LILRA6: variants seen among roughly 807,000 people sequenced by gnomAD.
LILRA6 encodes leukocyte immunoglobulin like receptor A6, also known as leukocyte immunoglobulin-like receptor subfamily A member 6.
LILRA6 carries 16 observed loss-of-function variants against 53.9 expected under a neutral mutation model. That is an observed-to-expected ratio of 0.30 (90% CI 0.20 to 0.45). The LOEUF is 0.45. LILRA6 is among the 20% of genes least tolerant of loss of function. The pLI, the probability that LILRA6 is intolerant of heterozygous loss-of-function variation, is 1.00. For missense variants in LILRA6, 306 were observed against 618.6 expected, an observed-to-expected ratio of 0.49 and a Z score of 5.36; for synonymous variants, 135 against 256.4, an observed-to-expected ratio of 0.53 and a Z score of 4.52.
chr19:54,239,829 G>A (rs1600980756), intron 7 of LILRA6, 72 bp downstream of exon 7: 18 of 1,550,730 alleles, frequency 1.2e-5, no homozygotes, highest in African/African-American at 1.1e-4. Flanking sequence ...GAGGGGAGGG[G>A]AGTGGGATCC....
chr19:54,240,190 G>A, intron 6 of LILRA6, 84 bp downstream of exon 6: 1 of 1,562,890 alleles, frequency 6.4e-7, no homozygotes, highest in Non-Finnish European at 8.6e-7. Context: ...GCCTCCCTCG[G>A]TCCATCCCAG....
chr19:54,239,604 G>T, intron 7 of LILRA6: 1 of 1,198,640 alleles, frequency 8.3e-7, no homozygotes, highest in Non-Finnish European at 1.2e-6. Context: ...CTGAGACCAC[G>T]AGCTCCAGGG....
downstream of LILRA6, chr19:54,237,617 A>G (rs2078654997): frequency 6.6e-6 from 1 of 151,038 alleles, no homozygotes; most frequent in African/African-American, 2.5e-5. Flanking sequence ...ACCCTCCAGT[A>G]TTTCCTGATG....
At chr19:54,238,788 T>C in exon 8 of LILRA6, 2 of 1,283,596 alleles carry the variant, frequency 1.6e-6, no homozygotes, top group Non-Finnish European at 2.1e-6. Context: ...GGAAGTAAGG[T>C]GGAGACCCAA....
chr19:54,241,663 T>G, exon 4 of LILRA6: 1 of 1,511,692 alleles, frequency 6.6e-7, no homozygotes, highest in Non-Finnish European at 9.0e-7. Flanking sequence ...AACCTCCACC[T>G]GTGGCTGGGG....
exon 8 of LILRA6, chr19:54,238,948 G>A (rs777515572): frequency 1.3e-5 from 21 of 1,610,402 alleles, no homozygotes; most frequent in Middle Eastern, 1.6e-4. Flanking sequence ...TGTCCTCTCC[G>A]CTGTTCACCT....
chr19:54,240,160 C>G (rs2078712934), intron 6 of LILRA6, 114 bp downstream of exon 6: 2 of 1,492,740 alleles, frequency 1.3e-6, no homozygotes, highest in African/African-American at 2.8e-5. Context: ...TGGGTGCCCT[C>G]TGGCTAAGCC....
chr19:54,237,510 T>C (rs1388629199), downstream of LILRA6: 1 of 150,940 alleles, frequency 6.6e-6, no homozygotes, highest in Non-Finnish European at 1.5e-5. Flanking sequence ...AATTATGTGA[T>C]TTACCAATAA....
chr19:54,240,899 C>T (rs778296665), exon 5 of LILRA6: 1 of 1,614,108 alleles, frequency 6.2e-7, no homozygotes. Flanking sequence ...TGCACCATAG[C>T]ACCTGTACTG....
chr19:54,240,801 G>A (rs1441212743), intron 5 of LILRA6, 30 bp downstream of exon 5: 5 of 1,612,346 alleles, frequency 3.1e-6, no homozygotes, highest in Admixed American at 3.3e-5. Flanking sequence ...CAGAGCCTGG[G>A]TCCCTGACTG....
At chr19:54,239,661 C>G (rs1423471944) in intron 7 of LILRA6, 1 of 1,524,314 alleles carries the variant, frequency 6.6e-7, no homozygotes, top group East Asian at 2.4e-5. Flanking sequence ...TCCTCAGGAC[C>G]TCCTGGGTCA....
At chr19:54,239,694 G>T (rs1249689803) in intron 7 of LILRA6, 1 of 1,546,394 alleles carries the variant, frequency 6.5e-7, no homozygotes. Flanking sequence ...GAAGCCTGGG[G>T]CTACCTTGCT....
At chr19:54,238,886 T>C in exon 8 of LILRA6, 1 of 1,586,216 alleles carries the variant, frequency 6.3e-7, no homozygotes, top group Non-Finnish European at 8.6e-7. Context: ...CTCCAGAGCC[T>C]TCTGGGATCA....
intron 7 of LILRA6, chr19:54,239,629 C>T: frequency 7.4e-7 from 1 of 1,350,410 alleles, no homozygotes; most frequent in Non-Finnish European, 1.0e-6. Context: ...ACTGGCCTGA[C>T]CCTGGGGGGT....
At position 54,241,871 on chromosome 19, in the gene LILRA6, A is replaced by T; in HGVS notation, c.363T>A (p.Tyr121Ter). ...GCAGGGCTGAGAGGGTGGGTTTGCT[A>T]TAGGCTCCTAGGAGAGAAAGAGGCA... The change falls in exon 4 of 8, where the codon TAT becomes TAA. Residue 121 changes from tyrosine to a stop codon, truncating the protein, a stop_gained. Transcript: ENST00000396365. LOFTEE classifies it high-confidence loss of function. 1 of 1,273,246 alleles carries T rather than the reference A, an allele frequency of 7.9e-7. No individual in the cohort carries two copies. Among genetic ancestry groups the T allele is most frequent in the Non-Finnish European group, 1.1e-6 (1 of 935,268 alleles). 78.9% of individuals were successfully genotyped at this position (1,273,246 alleles called of 1,614,324 possible).
chr19:54,238,814 A>G lies in LILRA6; in HGVS notation c.*139T>C, dbSNP rs563269647. On this transcript the variant is annotated 3_prime_UTR_variant, in exon 8 of 8. Coordinates refer to ENST00000396365, the Ensembl canonical transcript of LILRA6. ...GGAGACCCAAAATTTGTGATCAGAC[A>G]TGATTACCTTCCACAGTGTGTGGCC... 1.1e-5 allele frequency: 16 copies of G among 1,440,090 alleles called. 1 individual carries two copies. Among genetic ancestry groups the G allele is most frequent in the African/African-American group, 4.5e-5 (3 of 66,876 alleles). 89.2% of individuals were successfully genotyped at this position (1,440,090 alleles called of 1,614,324 possible).
At chr19:54,240,859 G>A (rs1232632229) in exon 5 of LILRA6, 8 of 1,613,750 alleles carry the variant, frequency 5.0e-6, no homozygotes, top group Non-Finnish European at 6.8e-6. Context: ...GGGGGTCGCT[G>A]GGGGCCGACC....
chr19:54,239,159 C>G, intron 7 of LILRA6, 70 bp from the exon 8 acceptor site: 1 of 1,598,886 alleles, frequency 6.3e-7, no homozygotes. Context: ...CCTGGATGCC[C>G]AACCCAGGGC....
At position 54,239,123 on chromosome 19, in the gene LILRA6, C is replaced by T. The variant is rs8100079; in HGVS notation, c.1310-34G>A. The T allele has an allele frequency of 8.0e-5, 129 of 1,608,642 alleles. 10 individuals carry two copies. Among genetic ancestry groups the T allele is most frequent in the African/African-American group, 7.7e-4 (56 of 72,460 alleles). ...GGTGGGCAAAGAGGTCACAGAGGTC[C>T]GGGCAGATCAACTTCACCCAGGACC... On this transcript the variant is annotated intron_variant, in intron 7 of 7. Coordinates refer to ENST00000396365, the Ensembl canonical transcript of LILRA6.
Sources: gnomAD v4.1 joint callset for allele counts on GRCh38, gnomAD v4.1.1 for gene constraint, MANE v1.5 for transcripts, NCBI Gene and HGNC (gene_info 2026-07-23, HGNC 2026-07-21) for gene names.